The following SMARCA2 variants were observed in gnomAD, a reference collection of about 807,000 sequenced individuals.
The protein encoded by SMARCA2 is SWI/SNF related BAF chromatin remodeling complex subunit ATPase 2.
Under a neutral mutation model 199.8 loss-of-function variants are expected in SMARCA2, and 61 were observed. That is an observed-to-expected ratio of 0.31 (90% confidence interval 0.25 to 0.38). The LOEUF (loss-of-function observed/expected upper bound fraction) is 0.38, where lower values mean the gene tolerates loss of function less well. Ranked by LOEUF, SMARCA2 falls within the 10% of genes least tolerant of loss-of-function variation. The probability of loss-of-function intolerance (pLI) is 1.00; values close to 1 mark genes in which losing one functional copy is unlikely to be tolerated. For missense variants in SMARCA2, 1,344 were observed against 2,012.2 expected (o/e 0.67, Z 6.35); for synonymous variants, 935 against 732.0 (o/e 1.28, Z -4.48).
At chr9:2,131,026 C>T (rs1823924444) in intron 27 of SMARCA2, among the ~76,000 whole-genome samples, 1 of 152,212 alleles carries the variant, frequency 6.6e-6, no homozygotes, top group African/African-American at 2.4e-5. Context: ...ACTATTCTTC[C>T]TGTTCCTTTG....
At position 2,193,074 on chromosome 9, in the gene SMARCA2, T is replaced by G. The variant is rs143996657; in HGVS notation, c.*335T>G. 5.7e-5 allele frequency: 13 copies of G among 227,346 alleles called. No individual in the cohort carries two copies. In the East Asian group the frequency reaches 1.2e-3, roughly 21 times the overall value. The allele number at this position is 227,346 out of a possible 1,614,324, so 14.1% of individuals were successfully genotyped here. On this transcript the variant is annotated 3_prime_UTR_variant, in exon 34 of 34. Coordinates refer to ENST00000349721, the MANE Select transcript of SMARCA2 (RefSeq NM_003070.5). The stretch of plus-strand genomic sequence containing the variant: ...TTTGATTGTGCCTGGTTTTATCACC[T>G]GTTCAGATGAGAAGATTTTTGTCTT...
At chr9:2,125,251 A>G (rs74590895) in intron 27 of SMARCA2, among the ~76,000 whole-genome samples, 1 of 152,186 alleles carries the variant, frequency 6.6e-6, no homozygotes, top group East Asian at 1.9e-4. Flanking sequence ...AAAATAGAAC[A>G]TTTGTGTGAT....
intron 20 of SMARCA2, 101 bp downstream of exon 20, chr9:2,096,865 G>C: frequency 1.3e-6 from 1 of 775,190 alleles, no homozygotes; most frequent in East Asian, 2.5e-5. Context: ...ATGCTGATTT[G>C]TTAAAGTAAA....
chr9:2,153,949 CTT>C (rs897506601), intron 27 of SMARCA2, among the ~76,000 whole-genome samples: 1 of 152,174 alleles, frequency 6.6e-6, no homozygotes, highest in Non-Finnish European at 1.5e-5. Flanking sequence ...GCAAGTATAA[CTT>C]AGCCTTTTCC....
intron 16 of SMARCA2, 148 bp from the exon 17 acceptor site, chr9:2,083,938 T>C (rs1323958672): frequency 1.7e-5 from 9 of 531,160 alleles, no homozygotes; most frequent in African/African-American, 1.5e-4. Flanking sequence ...TAGCCAAAAC[T>C]TCCTCGTGTA....
At chr9:2,124,685 T>G (rs1823611106) in intron 27 of SMARCA2, among the ~76,000 whole-genome samples, 1 of 152,212 alleles carries the variant, frequency 6.6e-6, no homozygotes, top group Admixed American at 6.5e-5. Flanking sequence ...TTGTTTTTCC[T>G]TTGGAAAATG....
At chr9:2,094,176 G>A (rs559201200) in intron 19 of SMARCA2, among the ~76,000 whole-genome samples, 178 of 152,282 alleles carry the variant, frequency 1.2e-3, no homozygotes, top group African/African-American at 4.2e-3. Context: ...TGTTTGAGAA[G>A]GCTCTGGGAG....
intron 1 of SMARCA2, among the ~76,000 whole-genome samples, chr9:2,019,716 G>C (rs190870906): frequency 6.6e-6 from 1 of 151,976 alleles, no homozygotes; most frequent in Non-Finnish European, 1.5e-5. Context: ...TCCTTATATT[G>C]TTGTAATATT....
At chr9:2,042,168 A>C (rs1204817392) in intron 4 of SMARCA2, 1 of 152,210 alleles carries the variant, frequency 6.6e-6, no homozygotes, top group African/African-American at 2.4e-5. Flanking sequence ...CTGAGACACA[A>C]TATCAACAAA....
At position 2,191,146 on chromosome 9, in the gene SMARCA2, GA is replaced by G. The variant is rs1446816395; in HGVS notation, c.4595-118del. On this transcript the variant is annotated intron_variant, in intron 32 of 33. Coordinates refer to ENST00000349721, the MANE Select transcript of SMARCA2 (RefSeq NM_003070.5). Reference sequence around the variant, plus strand: ...ACCACACAGAACAGGCATAAACCGGGAATGTTCTGGGCACTCTGGGATGTTT... The same window carrying G: ...ACCACACAGAACAGGCATAAACCGGGATGTTCTGGGCACTCTGGGATGTTT... 7 of 960,712 alleles carry G rather than the reference GA, an allele frequency of 7.3e-6. No individual in the cohort carries two copies. The South Asian group carries it at 9.1e-5, about 13-fold the overall frequency. The allele number at this position is 960,712 out of a possible 1,614,324, so 59.5% of individuals were successfully genotyped here.
chr9:2,182,321 C>A, intron 31 of SMARCA2, 79 bp downstream of exon 31: 1 of 856,142 alleles, frequency 1.2e-6, no homozygotes, highest in Non-Finnish European at 1.9e-6. Flanking sequence ...ATTTCATTTT[C>A]TACCTCTTGA....
At chr9:2,067,199 A>G (rs748825049) in intron 9 of SMARCA2, among the ~76,000 whole-genome samples, 1 of 152,250 alleles carries the variant, frequency 6.6e-6, no homozygotes, top group African/African-American at 2.4e-5. Flanking sequence ...GCTTTTAACT[A>G]TTTTATGACT....
intron 27 of SMARCA2, among the ~76,000 whole-genome samples, chr9:2,148,354 T>G (rs1824873364): frequency 1.3e-5 from 2 of 151,480 alleles, no homozygotes; most frequent in Non-Finnish European, 3.0e-5. Context: ...GTAGGCAGAG[T>G]CATAAGTAGT....
intron 18 of SMARCA2, among the ~76,000 whole-genome samples, chr9:2,088,096 C>G (rs1821877016): frequency 6.6e-6 from 1 of 152,176 alleles, no homozygotes; most frequent in South Asian, 2.1e-4. Flanking sequence ...TCTGAGACAA[C>G]CAAGACGAAG....
chr9:2,126,845 T>C (rs995444213), intron 27 of SMARCA2, among the ~76,000 whole-genome samples: 225 of 152,360 alleles, frequency 1.5e-3, no homozygotes, highest in African/African-American at 5.1e-3. Context: ...TTTTTGTCTG[T>C]GTAGCCCCTC....
chr9:2,178,483 G>A (rs544446548), intron 29 of SMARCA2, among the ~76,000 whole-genome samples: 1 of 152,196 alleles, frequency 6.6e-6, no homozygotes, highest in South Asian at 2.1e-4. Flanking sequence ...CTTGGGATAG[G>A]ATAAGCATTT....
intron 4 of SMARCA2, chr9:2,044,768 G>A (rs1028750478): frequency 2.6e-5 from 4 of 152,200 alleles, no homozygotes; most frequent in African/African-American, 9.7e-5. Context: ...CCTGTTTAGT[G>A]CACAGCAAGT....
Position 2,142,411 on chromosome 9 carries a change from T to G in SMARCA2, c.3981+18474T>G, listed in dbSNP as rs147933045. On this transcript the variant is annotated intron_variant, in intron 27 of 33. Coordinates refer to ENST00000349721, the MANE Select transcript of SMARCA2 (RefSeq NM_003070.5). Reference sequence around the variant, plus strand: ...GGTTAAAGCAGAGGGAACTTCCTTATGCTTGCTTAAACTGGCCTGTTTGGG... The same window carrying G: ...GGTTAAAGCAGAGGGAACTTCCTTAGGCTTGCTTAAACTGGCCTGTTTGGG... 8.5e-5 allele frequency among the ~76,000 whole-genome samples: 13 copies of G among 152,278 alleles called. No individual in the cohort carries two copies. In the East Asian group the frequency reaches 2.5e-3, roughly 29 times the overall value.
rs570155727 is a variant in SMARCA2, at chr9:2,179,766, A to G, written c.4254-1805A>G. 5.3e-5 allele frequency among the ~76,000 whole-genome samples: 8 copies of G among 152,342 alleles called. No homozygotes were observed. The South Asian group carries it at 1.7e-3, about 32-fold the overall frequency. ...ACATGACACCATCTGTTGGCAATGTAGAAGATGACACCATGAAGATGTGTC... is the reference window on the plus strand; with the variant it reads ...ACATGACACCATCTGTTGGCAATGTGGAAGATGACACCATGAAGATGTGTC... On this transcript the variant is annotated intron_variant, in intron 29 of 33. Coordinates refer to ENST00000349721, the MANE Select transcript of SMARCA2 (RefSeq NM_003070.5).
Sources: gnomAD v4.1 joint callset for allele counts (sites outside exome capture counted in the v4.1 genomes callset) on GRCh38, gnomAD v4.1.1 for gene constraint, MANE v1.5 for transcripts, NCBI Gene and HGNC (gene_info 2026-07-23, HGNC 2026-07-21) for gene names.